Variants in FHIP1A observed in about 807,000 individuals in gnomAD.
FHIP1A encodes FHF complex subunit HOOK interacting protein 1A.
Under a neutral mutation model 88.6 loss-of-function variants are expected in FHIP1A, and 61 were observed. That is an observed-to-expected ratio of 0.69 (90% CI 0.56 to 0.85). The LOEUF (loss-of-function observed/expected upper bound fraction) is 0.85, where lower values mean the gene tolerates loss of function less well. Ranked by LOEUF, FHIP1A falls within the 40% of genes least tolerant of loss-of-function variation. The pLI is 0.00. For missense variants in FHIP1A, 1,154 were observed against 1,273.5 expected (o/e 0.91, Z 1.43); for synonymous variants, 478 against 496.0 (o/e 0.96, Z 0.48).
intron 3 of FHIP1A, among the ~76,000 whole-genome samples, chr4:151,499,760 AAGG>A (rs1730584596): frequency 6.6e-6 from 1 of 152,168 alleles, no homozygotes; most frequent in South Asian, 2.1e-4. Context: ...TGATGGCAGG[AAGG>A]AGAAGTGCAA....
chr4:151,664,712 C>G lies in FHIP1A; in HGVS notation c.*1958C>G, dbSNP rs1737599836. On this transcript the variant is annotated 3_prime_UTR_variant, in exon 14 of 14. Coordinates refer to ENST00000435205, the MANE Select transcript of FHIP1A (RefSeq NM_001109977.3). ...AAGTTCGGCTGTAATTTATTATACT[C>G]TGTTTGTTTTTGCACAAGTATTTAT... Among the ~76,000 whole-genome samples, 1 of 152,192 alleles carries G rather than the reference C, an allele frequency of 6.6e-6. No homozygotes were observed. Among genetic ancestry groups the G allele is most frequent in the African/African-American group, 2.4e-5 (1 of 41,456 alleles).
chr4:151,471,448 G>A (rs1368625564), intron 2 of FHIP1A, among the ~76,000 whole-genome samples: 1 of 151,668 alleles, frequency 6.6e-6, no homozygotes, highest in African/African-American at 2.4e-5. Context: ...AATTTCAACA[G>A]CATGCCAATC....
intron 3 of FHIP1A, among the ~76,000 whole-genome samples, chr4:151,545,619 C>T (rs1221475439): frequency 3.3e-5 from 5 of 151,948 alleles, no homozygotes; most frequent in Non-Finnish European, 7.4e-5. Context: ...CCTCGTGATC[C>T]ACCGGCCTCA....
Position 151,656,653 on chromosome 4 carries a change from A to G in FHIP1A, c.2731-107A>G, listed in dbSNP as rs1316706395. 1.6e-6 allele frequency: 2 copies of G among 1,246,862 alleles called. No individual in the cohort carries two copies. The highest frequency in any genetic ancestry group is 5.1e-5 in the Admixed American group (2 of 39,028). The allele number at this position is 1,246,862 out of a possible 1,614,324, so 77.2% of individuals were successfully genotyped here. On this transcript the variant is annotated intron_variant, in intron 12 of 13. Coordinates refer to ENST00000435205, the MANE Select transcript of FHIP1A (RefSeq NM_001109977.3). This position sits in a 1 kb window ranked among gnomAD's most constrained non-coding sequence, Gnocchi z 4.2. ...GCAGTTAAAAATGAACAAATGTCTA[A>G]CATCATAATAGTTCCCATAATGAGG...
chr4:151,513,015 T>C (rs987191514), intron 3 of FHIP1A, among the ~76,000 whole-genome samples: 6 of 151,826 alleles, frequency 4.0e-5, no homozygotes, highest in Admixed American at 2.0e-4. Context: ...TTCACCAAAG[T>C]TGAAATGAAG....
chr4:151,499,843 G>A lies in FHIP1A; in HGVS notation c.-123+17195G>A, dbSNP rs187799285. 9.6e-4 allele frequency among the ~76,000 whole-genome samples: 146 copies of A among 152,284 alleles called. 1 individual carries two copies. The highest frequency in any genetic ancestry group is 6.8e-3 in the Middle Eastern group (2 of 294). On this transcript the variant is annotated intron_variant, in intron 3 of 13. Coordinates refer to ENST00000435205, the MANE Select transcript of FHIP1A (RefSeq NM_001109977.3). ...TCACTCACTATCATGAGAACAGCAT[G>A]AGAGTAACCGCCTCCCGTGATGAAA...
intron 7 of FHIP1A, among the ~76,000 whole-genome samples, chr4:151,610,859 A>G (rs988126348): frequency 2.0e-5 from 3 of 152,154 alleles, no homozygotes; most frequent in African/African-American, 7.2e-5. Flanking sequence ...TGGTATGATC[A>G]TTATAGATTT....
At chr4:151,624,204 A>G (rs1035902019) in intron 7 of FHIP1A, among the ~76,000 whole-genome samples, 11 of 152,222 alleles carry the variant, frequency 7.2e-5, no homozygotes, top group African/African-American at 2.7e-4. Flanking sequence ...ACAATCAACC[A>G]AATCCCAGAT....
intron 3 of FHIP1A, among the ~76,000 whole-genome samples, chr4:151,508,310 G>A (rs1032153987): frequency 5.3e-5 from 8 of 152,220 alleles, no homozygotes; most frequent in Admixed American, 1.3e-4. Flanking sequence ...AATTTGGGGA[G>A]AAAGATTCGT....
At chr4:151,530,851 T>C (rs1463436486) in intron 3 of FHIP1A, among the ~76,000 whole-genome samples, 1 of 152,182 alleles carries the variant, frequency 6.6e-6, no homozygotes, top group Non-Finnish European at 1.5e-5. Context: ...CAAAAACACT[T>C]AGCATAGTGC....
chr4:151,651,646 TGAG>T, intron 11 of FHIP1A, among the ~76,000 whole-genome samples: 1 of 152,320 alleles, frequency 6.6e-6, no homozygotes, highest in Non-Finnish European at 1.5e-5. Flanking sequence ...AGAAGCCTGG[TGAG>T]GAGGGACTGT....
chr4:151,585,593 C>T (rs1175638491), intron 5 of FHIP1A, among the ~76,000 whole-genome samples: 2 of 152,148 alleles, frequency 1.3e-5, no homozygotes, highest in Non-Finnish European at 2.9e-5. Context: ...AGCTGGGAGG[C>T]CTCCAGTACT....
At chr4:151,515,321 T>C (rs1165171081) in intron 3 of FHIP1A, among the ~76,000 whole-genome samples, 1 of 151,406 alleles carries the variant, frequency 6.6e-6, no homozygotes, top group South Asian at 2.1e-4. Flanking sequence ...ATAAGAGCTA[T>C]CTATGACAAA....
At chr4:151,582,993 C>T (rs187932432) in intron 5 of FHIP1A, among the ~76,000 whole-genome samples, 1 of 152,268 alleles carries the variant, frequency 6.6e-6, no homozygotes, top group East Asian at 1.9e-4. Context: ...CACAGCACTC[C>T]GTATCCCCTT....
intron 1 of FHIP1A, among the ~76,000 whole-genome samples, chr4:151,418,998 T>C (rs114220117): frequency 0.02 from 3,114 of 152,338 alleles, 50 homozygotes; most frequent in Middle Eastern, 0.034. Flanking sequence ...ATGGTCTCTG[T>C]TGCCTACTGG....
intron 2 of FHIP1A, among the ~76,000 whole-genome samples, chr4:151,457,233 AC>A (rs1728998636): frequency 6.6e-6 from 1 of 152,160 alleles, no homozygotes; most frequent in African/African-American, 2.4e-5. Context: ...TTAATGGAAA[AC>A]CTGTGTGGGC....
intron 4 of FHIP1A, among the ~76,000 whole-genome samples, chr4:151,572,321 C>G (rs925672672): frequency 3.9e-5 from 6 of 152,156 alleles, no homozygotes; most frequent in Admixed American, 3.9e-4. Context: ...AATTAGTGTT[C>G]TTTGAAATAT....
chr4:151,458,578 A>C (rs563310666), intron 2 of FHIP1A, among the ~76,000 whole-genome samples: 4 of 152,204 alleles, frequency 2.6e-5, no homozygotes, highest in African/African-American at 7.2e-5. Flanking sequence ...GTTTAGTAGG[A>C]GCTTTTAATG....
At chr4:151,488,138 T>C (rs1156912990) in intron 3 of FHIP1A, among the ~76,000 whole-genome samples, 1 of 152,242 alleles carries the variant, frequency 6.6e-6, no homozygotes, top group Non-Finnish European at 1.5e-5. Context: ...GACACTCCTC[T>C]GCATTCACCA....
Sources: gnomAD v4.1 joint callset for allele counts (sites outside exome capture counted in the v4.1 genomes callset) on GRCh38, gnomAD v4.1.1 for gene constraint, Gnocchi (gnomAD v3.1) non-coding constraint, MANE v1.5 for transcripts, NCBI Gene and HGNC (gene_info 2026-07-23, HGNC 2026-07-21) for gene names.